The following TEX11 variants were observed in gnomAD, a reference collection of about 807,000 sequenced individuals.
TEX11 encodes the protein testis-expressed protein 11.
In TEX11, 7 loss-of-function variants were observed where a neutral mutation model predicts 84.4. The ratio of observed to expected loss-of-function variants is 0.08; its 90% CI spans 0.05 to 0.16. The LOEUF is 0.16. TEX11 is among the 10% of genes least tolerant of loss of function. The pLI is 1.00. For synonymous variants in TEX11, 264 were observed against 222.8 expected, an observed-to-expected ratio of 1.18 and a Z score of -1.64; for missense variants, 551 against 660.5, an observed-to-expected ratio of 0.83 and a Z score of 1.82.
At chrX:70,740,883 C>T in intron 10 of TEX11, 87 bp from the exon 11 acceptor site, 1 of 533,478 alleles carries the variant, frequency 1.9e-6, no homozygotes, top group Non-Finnish European at 2.9e-6. Flanking sequence ...CAGTGACAGG[C>T]ATCTTCTCAA....
At position 70,779,048 on chromosome X, in the gene TEX11, T is replaced by A. The variant is rs192761876; in HGVS notation, c.692+27657A>T. On this transcript the variant is annotated intron_variant, in intron 9 of 29. Coordinates refer to ENST00000374333, the MANE Select transcript of TEX11 (RefSeq NM_031276.3). ...CTGTCACTACAAACATATATATATG[T>A]ATGTACACATTTTAAAAATTAAAAA... 2.7e-5 allele frequency among the ~76,000 whole-genome samples: 3 copies of A among 110,846 alleles called. No individual in the cohort carries two copies. The East Asian group carries it at 8.4e-4, about 31-fold the overall frequency.
chrX:70,679,138 G>A (rs998731706), intron 14 of TEX11, among the ~76,000 whole-genome samples: 7 of 112,799 alleles, frequency 6.2e-5, no homozygotes, highest in African/African-American at 2.2e-4. Context: ...ACGAGGTTTC[G>A]CTGTGTTGGC....
chrX:70,715,452 T>G (rs1306865400), intron 13 of TEX11, among the ~76,000 whole-genome samples: 1 of 112,123 alleles, frequency 8.9e-6, no homozygotes, highest in Non-Finnish European at 1.9e-5. Context: ...TTTGGTCTTT[T>G]CATATAGTCC....
intron 15 of TEX11, among the ~76,000 whole-genome samples, chrX:70,675,877 G>A (rs151271262): frequency 1.2e-3 from 136 of 111,595 alleles, no homozygotes; most frequent in African/African-American, 4.0e-3. Flanking sequence ...TGATCCACCC[G>A]CCTTGGCCTC....
At chrX:70,563,288 C>T (rs1032717383) in intron 25 of TEX11, among the ~76,000 whole-genome samples, 1 of 111,859 alleles carries the variant, frequency 8.9e-6, no homozygotes, top group Non-Finnish European at 1.9e-5. Context: ...CCCACATGTT[C>T]TGATTCACAA....
At chrX:70,745,126 T>C (rs1006997892) in intron 9 of TEX11, among the ~76,000 whole-genome samples, 9 of 110,679 alleles carry the variant, frequency 8.1e-5, no homozygotes, top group African/African-American at 2.3e-4. Flanking sequence ...ATTTTGCGGC[T>C]GACTAAACCA....
intron 14 of TEX11, among the ~76,000 whole-genome samples, chrX:70,680,874 G>T (rs996722837): frequency 1.8e-5 from 2 of 112,073 alleles, no homozygotes; most frequent in Non-Finnish European, 3.8e-5. Flanking sequence ...TTGTGAATGA[G>T]CAGACAGCAA....
At chrX:70,641,413 A>C (rs905075337) in intron 17 of TEX11, among the ~76,000 whole-genome samples, 5 of 110,658 alleles carry the variant, frequency 4.5e-5, no homozygotes, top group Non-Finnish European at 9.5e-5. Flanking sequence ...CTGCACCAAG[A>C]GGACCTAATA....
At chrX:70,712,353 T>G (rs1416241399) in intron 13 of TEX11, among the ~76,000 whole-genome samples, 14 of 111,532 alleles carry the variant, frequency 1.3e-4, no homozygotes, top group African/African-American at 2.6e-4. Flanking sequence ...TGATGGGGAT[T>G]GCATTGAATC....
chrX:70,826,613 C>T (rs900935793), intron 8 of TEX11, among the ~76,000 whole-genome samples: 14 of 112,021 alleles, frequency 1.2e-4, no homozygotes, highest in African/African-American at 3.9e-4. Context: ...AGGAAGAGCA[C>T]AGCAGCTGGG....
intron 25 of TEX11, among the ~76,000 whole-genome samples, chrX:70,588,641 A>T (rs1326306011): frequency 8.9e-6 from 1 of 112,195 alleles, no homozygotes; most frequent in African/African-American, 3.2e-5. Context: ...AATACACCAT[A>T]TGATGGAATA....
At position 70,682,641 on chromosome X, in the gene TEX11, C is replaced by T. The variant is rs983609616; in HGVS notation, c.1156+33G>A. ...TCTAAGAATTATACACAAATTAATA[C>T]GTTTCTAAAACACTTGCGAAAATCC... On this transcript the variant is annotated intron_variant, in intron 14 of 29. Transcript: ENST00000374333. 3.4e-6 allele frequency: 4 copies of T among 1,187,927 alleles called. No homozygotes were observed. The African/African-American group carries it at 5.3e-5, about 16-fold the overall frequency.
intron 2 of TEX11, among the ~76,000 whole-genome samples, chrX:70,894,611 C>G (rs1441895334): frequency 9.4e-6 from 1 of 105,934 alleles, no homozygotes; most frequent in East Asian, 3.0e-4. Flanking sequence ...GGCGACAGAG[C>G]GAGACTCCGT....
intron 28 of TEX11, among the ~76,000 whole-genome samples, chrX:70,534,532 A>G (rs2087931649): frequency 8.9e-6 from 1 of 112,194 alleles, no homozygotes; most frequent in South Asian, 3.8e-4. Context: ...CTGACCTGAA[A>G]GCCACATGGA....
intron 11 of TEX11, among the ~76,000 whole-genome samples, chrX:70,729,418 T>A (rs2090626556): frequency 9.0e-6 from 1 of 110,582 alleles, no homozygotes; most frequent in Non-Finnish European, 1.9e-5. Flanking sequence ...TGAAAAAAAA[T>A]TAGACGAATG....
intron 13 of TEX11, among the ~76,000 whole-genome samples, chrX:70,691,341 G>A (rs966777690): frequency 9.0e-6 from 1 of 111,610 alleles, no homozygotes; most frequent in African/African-American, 3.3e-5. Flanking sequence ...TTGAAAGCAG[G>A]GTCTCGAACA....
chrX:70,577,799 C>G (rs12115925), intron 25 of TEX11, among the ~76,000 whole-genome samples: 9,179 of 104,000 alleles, frequency 0.088, 1,165 homozygotes, highest in African/African-American at 0.28. Flanking sequence ...AGGATCTCTG[C>G]TCACCGCAAC....
At chrX:70,670,549 A>G in intron 15 of TEX11, 35 bp from the exon 16 acceptor site, 2 of 1,171,932 alleles carry the variant, frequency 1.7e-6, no homozygotes, top group Non-Finnish European at 2.3e-6. Context: ...AATCACAGCG[A>G]TGTCGCTACC....
At chrX:70,566,473 C>G (rs1400018155) in intron 25 of TEX11, among the ~76,000 whole-genome samples, 18 of 110,520 alleles carry the variant, frequency 1.6e-4, no homozygotes, top group Admixed American at 2.9e-4. Context: ...GGGCATCCCT[C>G]TCTTGTGCCA....
Sources: allele counts gnomAD v4.1 joint callset (sites outside exome capture counted in the v4.1 genomes callset), GRCh38; gene constraint gnomAD v4.1.1; transcripts MANE v1.5; gene names NCBI Gene and HGNC (gene_info 2026-07-23, HGNC 2026-07-21).